The following DNAH8 variants were observed in gnomAD, a reference collection of about 807,000 sequenced individuals.
DNAH8 encodes dynein axonemal heavy chain 8.
A neutral mutation model predicts 562.1 loss-of-function variants in DNAH8; 382 were observed. That is an observed-to-expected ratio of 0.68 (90% confidence interval 0.63 to 0.74). The LOEUF is 0.74. Among genes scored for constraint, DNAH8 ranks in the 30% least tolerant of loss-of-function variants. DNAH8 has a pLI of 0.00. For synonymous variants in DNAH8, 1,881 were observed against 1,919.4 expected (o/e 0.98, Z 0.52); for missense variants, 5,203 against 5,620.4 (o/e 0.93, Z 2.37).
intron 82 of DNAH8, among the ~76,000 whole-genome samples, chr6:38,968,188 A>G (rs976290645): frequency 6.6e-6 from 1 of 152,226 alleles, no homozygotes; most frequent in Admixed American, 6.5e-5. Context: ...AAACCATAAC[A>G]TACTTAGTAA....
At chr6:38,815,791 G>A in intron 26 of DNAH8, 134 bp downstream of exon 26, 3 of 847,232 alleles carry the variant, frequency 3.5e-6, no homozygotes, top group Non-Finnish European at 3.4e-6. Context: ...AACATAACGT[G>A]CAGGCATTTT....
At chr6:38,822,273 T>C (rs1772930197) in intron 26 of DNAH8, 1 of 152,412 alleles carries the variant, frequency 6.6e-6, no homozygotes, top group African/African-American at 2.4e-5. Flanking sequence ...TTGAAGACTG[T>C]ATCAAACTGA....
At position 38,838,013 on chromosome 6, in the gene DNAH8, G is replaced by T; in HGVS notation, c.4437G>T (p.Val1479=). The T allele has an allele frequency of 6.2e-7, 1 of 1,612,446 alleles. No homozygotes were observed. Among genetic ancestry groups the T allele is most frequent in the South Asian group, 1.1e-5 (1 of 90,834 alleles). Reference sequence around the variant, plus strand: ...GTGAACAACTTTTTGGATTGCCTGTGACTGATTATGAGGTTTTACACAAAA... The same window carrying T: ...GTGAACAACTTTTTGGATTGCCTGTTACTGATTATGAGGTTTTACACAAAA... The part of the protein sequence containing the change: ...SSGEQLFGLP[V]TDYEVLHKTR... The change falls in exon 33 of 93, where the codon GTG becomes GTT. Residue 1479 remains valine, a synonymous_variant. Transcript: ENST00000327475.
chr6:38,742,621 A>AAATGTATTTCTTTCTTTG (rs1473456687), intron 8 of DNAH8, among the ~76,000 whole-genome samples: 1 of 152,010 alleles, frequency 6.6e-6, no homozygotes, highest in African/African-American at 2.4e-5. Flanking sequence ...TTCTTTCTTT[A>AAATGTATTTCTTTCTTTG]AATGTATTTC....
chr6:38,909,709 C>T lies in DNAH8; in HGVS notation c.9705C>T (p.Asp3235=), dbSNP rs1179971588. 1 of 1,614,088 alleles carries T rather than the reference C, an allele frequency of 6.2e-7. No homozygotes were observed. Among genetic ancestry groups the T allele is most frequent in the Admixed American group, 1.7e-5 (1 of 60,022 alleles). The change falls in exon 65 of 93, where the codon GAC becomes GAT. Residue 3235 remains aspartate (D), a synonymous_variant. Transcript: ENST00000327475. The stretch of plus-strand genomic sequence containing the variant: ...TAGAAACAATGGGCCTGTTTCATGA[C>T]ATGGTTTCAGAGAGCTGTGAAAGTT... The part of the protein sequence containing the change: ...QVVETMGLFH[D]MVSESCESYF...
At chr6:39,027,705 T>C (rs1247112087) in intron 92 of DNAH8, among the ~76,000 whole-genome samples, 1 of 151,770 alleles carries the variant, frequency 6.6e-6, no homozygotes, top group Non-Finnish European at 1.5e-5. Context: ...CAGGCTGTAA[T>C]GTCCCAGCTA....
intron 83 of DNAH8, among the ~76,000 whole-genome samples, chr6:38,972,517 T>A (rs1166908798): frequency 6.6e-6 from 1 of 152,200 alleles, no homozygotes; most frequent in African/African-American, 2.4e-5. Flanking sequence ...TCGGATCAAA[T>A]GTTTCACTCT....
At chr6:38,741,678 A>G (rs763602579) in intron 7 of DNAH8, 33 bp from the exon 8 acceptor site, 1 of 1,532,792 alleles carries the variant, frequency 6.5e-7, no homozygotes, top group South Asian at 1.2e-5. Flanking sequence ...AGAATGTAAC[A>G]TTTCTATATT....
intron 88 of DNAH8, among the ~76,000 whole-genome samples, chr6:38,992,668 T>C (rs1764873312): frequency 6.8e-6 from 1 of 147,606 alleles, no homozygotes; most frequent in Admixed American, 6.9e-5. Context: ...GATGAAACCA[T>C]TTCACCCTCA....
chr6:38,932,377 C>A (rs1422308573), intron 76 of DNAH8, among the ~76,000 whole-genome samples: 2 of 152,070 alleles, frequency 1.3e-5, no homozygotes, highest in African/African-American at 4.8e-5. Flanking sequence ...GTTTCAACTA[C>A]TACAGTCCAA....
chr6:38,748,641 CA>C (rs1173046748), intron 8 of DNAH8, among the ~76,000 whole-genome samples: 3 of 151,890 alleles, frequency 2.0e-5, no homozygotes, highest in Non-Finnish European at 4.4e-5. Context: ...GTAATCCCAG[CA>C]CTTTGCGAGG....
chr6:38,725,497 G>T (rs949008464), intron 3 of DNAH8, among the ~76,000 whole-genome samples: 3 of 152,040 alleles, frequency 2.0e-5, no homozygotes, highest in Non-Finnish European at 4.4e-5. Context: ...AGCTGTAACA[G>T]TGAGATGGGG....
At chr6:38,914,617 T>C (rs993002214) in intron 67 of DNAH8, among the ~76,000 whole-genome samples, 12 of 152,050 alleles carry the variant, frequency 7.9e-5, no homozygotes, top group African/African-American at 2.4e-4. Context: ...CCCAAAGTGC[T>C]GGGATTACAG....
intron 21 of DNAH8, among the ~76,000 whole-genome samples, chr6:38,792,837 G>T (rs773080391): frequency 2.0e-5 from 3 of 152,078 alleles, no homozygotes; most frequent in Admixed American, 6.6e-5. Flanking sequence ...GTTCTGCAGT[G>T]GTGTGGTCAT....
intron 82 of DNAH8, among the ~76,000 whole-genome samples, 190 bp downstream of exon 82, chr6:38,951,710 A>T (rs1204021878): frequency 1.3e-5 from 2 of 152,170 alleles, no homozygotes; most frequent in Non-Finnish European, 2.9e-5. Flanking sequence ...CTTTGTTTAG[A>T]GAAGAACATG....
chr6:39,030,643 A>C lies in DNAH8; in HGVS notation c.*251A>C. On this transcript the variant is annotated 3_prime_UTR_variant, in exon 93 of 93. Transcript: ENST00000327475. ...ACTATAATTACTTTTTAAAGATAAAACCCTGTTTGGATGTTAGAACACTTT... is the reference window on the plus strand; with the variant it reads ...ACTATAATTACTTTTTAAAGATAAACCCCTGTTTGGATGTTAGAACACTTT... 1 of 401,296 alleles carries C rather than the reference A, an allele frequency of 2.5e-6. No individual in the cohort carries two copies. The highest frequency in any genetic ancestry group is 4.5e-6 in the Non-Finnish European group (1 of 223,802). 24.9% of individuals were successfully genotyped at this position (401,296 alleles called of 1,614,324 possible). A position where few individuals can be genotyped will look rare whatever the true frequency, so the allele number is the denominator to read the frequency against.
intron 26 of DNAH8, among the ~76,000 whole-genome samples, chr6:38,818,761 A>C (rs528929918): frequency 3.9e-5 from 6 of 152,338 alleles, no homozygotes; most frequent in Non-Finnish European, 7.3e-5. Flanking sequence ...TGAAGGCAGA[A>C]TGCCTGGGTA....
At chr6:38,741,999 G>A in intron 8 of DNAH8, 112 bp downstream of exon 8, 2 of 803,936 alleles carry the variant, frequency 2.5e-6, no homozygotes, top group African/African-American at 1.8e-5. Flanking sequence ...AGAAGTGTTA[G>A]CCTTTGAGTA....
intron 22 of DNAH8, among the ~76,000 whole-genome samples, chr6:38,804,785 G>GAGAGAA (rs1374612406): frequency 9.1e-6 from 1 of 110,182 alleles, no homozygotes; most frequent in African/African-American, 3.3e-5. Context: ...GAGAGAGAGA[G>GAGAGAA]AGAGAAAGAG....
Sources: gnomAD v4.1 joint callset for allele counts (sites outside exome capture counted in the v4.1 genomes callset) on GRCh38, gnomAD v4.1.1 for gene constraint, MANE v1.5 for transcripts, NCBI Gene and HGNC (gene_info 2026-07-23, HGNC 2026-07-21) for gene names.